Variants in SLC25A19 observed in about 807,000 individuals in gnomAD.
SLC25A19 encodes the protein solute carrier family 25 member 19, also known as mitochondrial thiamine pyrophosphate carrier.
In SLC25A19, 18 loss-of-function variants were observed where a neutral mutation model predicts 27.9. The observed-to-expected ratio is 0.64, with a 90% CI of 0.45 to 0.96. SLC25A19 has a LOEUF of 0.96. SLC25A19 is among the 40% of genes least tolerant of loss of function. The pLI, the probability that SLC25A19 is intolerant of heterozygous loss-of-function variation, is 0.00. For synonymous variants in SLC25A19, 169 were observed against 167.1 expected (o/e 1.01, Z -0.09); for missense variants, 371 against 418.3 (o/e 0.89, Z 0.99).
At chr17:75,276,456 C>G (rs1211345947) in intron 7 of SLC25A19, among the ~76,000 whole-genome samples, 1 of 152,036 alleles carries the variant, frequency 6.6e-6, no homozygotes, top group Non-Finnish European at 1.5e-5. Context: ...TAACATCCAC[C>G]TCTCACGTTC....
intron 7 of SLC25A19, 27 bp downstream of exon 7, chr17:75,277,326 C>T (rs1330516469): frequency 6.2e-7 from 1 of 1,610,846 alleles, no homozygotes; most frequent in African/African-American, 1.3e-5. Context: ...AGGGTCAGAG[C>T]TGTCTGCCTG....
chr17:75,282,203 T>C (rs1032568200), intron 5 of SLC25A19, among the ~76,000 whole-genome samples: 1 of 151,758 alleles, frequency 6.6e-6, no homozygotes, highest in African/African-American at 2.4e-5. Context: ...CAGTGAGCAG[T>C]GATCATGCCA....
intron 4 of SLC25A19, among the ~76,000 whole-genome samples, chr17:75,285,613 C>T (rs1806286454): frequency 6.6e-6 from 1 of 152,192 alleles, no homozygotes; most frequent in Non-Finnish European, 1.5e-5. Context: ...CGTGGCTCTG[C>T]CATTTTCTAG....
In SLC25A19 at chr17:75,277,489, C is replaced by A. The variant is rs1231232585; in HGVS notation, c.644-6G>T. On this transcript the variant is annotated splice_region_variant and splice_polypyrimidine_tract_variant and intron_variant, in intron 6 of 7. Coordinates refer to ENST00000416858, the MANE Select transcript of SLC25A19 (RefSeq NM_001126121.2). ...AAGCAGGTTTTGGAGGTTCTCTGAA[C>A]CAGAGAAGTGGGATTGGGAGAATGG... 1.9e-6 allele frequency: 3 copies of A among 1,613,670 alleles called. No homozygotes were observed. The highest frequency in any genetic ancestry group is 2.5e-6 in the Non-Finnish European group (3 of 1,179,852).
chr17:75,273,355 C>G lies in SLC25A19; in HGVS notation c.*96G>C, dbSNP rs143419896. On this transcript the variant is annotated 3_prime_UTR_variant, in exon 8 of 8. Coordinates refer to ENST00000416858, the MANE Select transcript of SLC25A19 (RefSeq NM_001126121.2). ...TGCTACCCCGCTTGGGGCAGCTGGC[C>G]TGCAGGGAAGGGCCAGACGGCACCT... 797 of 1,416,870 alleles carry G rather than the reference C, an allele frequency of 5.6e-4. 6 individuals are homozygous for G. The African/African-American group carries it at 0.01, about 18-fold the overall frequency. The allele number at this position is 1,416,870 out of a possible 1,614,324, so 87.8% of individuals were successfully genotyped here.
chr17:75,279,450 C>G (rs2077979788), intron 5 of SLC25A19, among the ~76,000 whole-genome samples: 1 of 150,716 alleles, frequency 6.6e-6, no homozygotes, highest in Admixed American at 6.6e-5. Context: ...TCTGATCATT[C>G]TAGAATCTAA....
At chr17:75,282,901 A>G (rs2078076526) in intron 5 of SLC25A19, among the ~76,000 whole-genome samples, 1 of 151,154 alleles carries the variant, frequency 6.6e-6, no homozygotes, top group Non-Finnish European at 1.5e-5. Flanking sequence ...AAAATCATAT[A>G]TTTAAAAAAA....
At position 75,275,927 on chromosome 17, in the gene SLC25A19, C is replaced by T. The variant is rs545097852; in HGVS notation, c.774+1426G>A. ...CGCAGGCTGCAGTGAGCCAAGATCA[C>T]GCCACTGCACTCCAGCCTGGGCAAA... is the stretch of plus-strand genomic sequence containing the variant. On this transcript the variant is annotated intron_variant, in intron 7 of 7. Transcript: ENST00000416858. Among the ~76,000 whole-genome samples the T allele has an allele frequency of 1.8e-3, 269 of 150,494 alleles. 1 individual carries two copies. Among genetic ancestry groups the T allele is most frequent in the Middle Eastern group, 7.4e-3 (2 of 270 alleles).
chr17:75,286,644 T>C lies in SLC25A19; in HGVS notation c.121A>G (p.Ile41Val), dbSNP rs374703602. 3 of 1,614,020 alleles carry C rather than the reference T, an allele frequency of 1.9e-6. No individual in the cohort carries two copies. The highest frequency in any genetic ancestry group is 2.5e-6 in the Non-Finnish European group (3 of 1,180,036). The change falls in exon 3 of 8, where the codon ATC becomes GTC. Residue 41 changes from isoleucine to valine, a missense_variant. Ile to Val is a conservative substitution (Grantham distance 29). Transcript: ENST00000416858. ...ALISPFDVIK[I>V]RFQLQHERLS... ...AAGGGGAAGAGTACCTGGAAACGGATCTTGATGACGTCGAAGGGACTGATC... is the reference window on the plus strand; with the variant it reads ...AAGGGGAAGAGTACCTGGAAACGGACCTTGATGACGTCGAAGGGACTGATC...
At chr17:75,282,485 G>A (rs1390854307) in intron 5 of SLC25A19, among the ~76,000 whole-genome samples, 1 of 152,128 alleles carries the variant, frequency 6.6e-6, no homozygotes, top group African/African-American at 2.4e-5. Context: ...GGAGGCAGAG[G>A]TTGCAGTGAG....
intron 7 of SLC25A19, among the ~76,000 whole-genome samples, chr17:75,276,828 C>A (rs1349035750): frequency 7.2e-6 from 1 of 139,816 alleles, no homozygotes; most frequent in African/African-American, 2.5e-5. Context: ...GTGCCCACCA[C>A]CACGCCCGGC....
Position 75,277,346 on chromosome 17 carries a change from G to A in SLC25A19, c.774+7C>T, listed in dbSNP as rs755707400. 35 of 1,612,698 alleles carry A rather than the reference G, an allele frequency of 2.2e-5. No individual in the cohort carries two copies. The highest frequency in any genetic ancestry group is 2.7e-5 in the African/African-American group (2 of 74,860). On this transcript the variant is annotated splice_region_variant and intron_variant, in intron 7 of 7. Transcript: ENST00000416858. ...CAGAGCTGTCTGCCTGGGAGTGAAC[G>A]GCTCACCTGGCCAAAGGCAGCTCTG...
Position 75,273,625 on chromosome 17 carries a change from C to T in SLC25A19, c.789G>A (p.Lys263=). Residue 263 remains lysine (K), a synonymous_variant, in exon 8 of 8, where the codon AAG becomes AAA. Coordinates refer to ENST00000416858, the MANE Select transcript of SLC25A19 (RefSeq NM_001126121.2). The part of the protein sequence containing the change: ...RAAFGQVRRY[K]GLMDCAKQVL... The stretch of plus-strand genomic sequence containing the variant: ...CCTGCTTGGCACAGTCCATGAGGCC[C>T]TTGTATCTCCGTACCTGGGGAGAGG... The T allele has an allele frequency of 6.2e-7, 1 of 1,612,716 alleles. No individual in the cohort carries two copies. The highest frequency in any genetic ancestry group is 8.5e-7 in the Non-Finnish European group (1 of 1,179,874).
intron 5 of SLC25A19, among the ~76,000 whole-genome samples, chr17:75,281,870 A>G (rs1598188730): frequency 6.6e-6 from 1 of 152,232 alleles, no homozygotes; most frequent in Non-Finnish European, 1.5e-5. Flanking sequence ...AGGCAGGGAC[A>G]TAGAGCACCC....
At chr17:75,283,179 T>C (rs961773183) in intron 5 of SLC25A19, among the ~76,000 whole-genome samples, 11 of 149,534 alleles carry the variant, frequency 7.4e-5, no homozygotes, top group African/African-American at 2.7e-4. Context: ...CGGGTGCCTG[T>C]AATCCCAGCT....
intron 7 of SLC25A19, among the ~76,000 whole-genome samples, chr17:75,275,154 A>G: frequency 6.6e-6 from 1 of 151,312 alleles, no homozygotes; most frequent in East Asian, 1.9e-4. Context: ...ATGCCCAGCT[A>G]ATTTTTTAAT....
At chr17:75,278,945 G>A (rs991810886) in intron 5 of SLC25A19, among the ~76,000 whole-genome samples, 4 of 151,016 alleles carry the variant, frequency 2.6e-5, no homozygotes, top group African/African-American at 9.7e-5. Flanking sequence ...ATTGTACCAC[G>A]GCACTCCAAC....
Position 75,273,401 on chromosome 17 carries a change from C to A in SLC25A19, c.*50G>T. 6.3e-7 allele frequency: 1 copy of A among 1,583,398 alleles called. No homozygotes were observed. The highest frequency in any genetic ancestry group is 1.1e-5 in the South Asian group (1 of 89,214). ...CACCTCTCAGTGGAGACTGAATCTT[C>A]CTTCCTTCAGGAGGCTGCCTCCAGG... On this transcript the variant is annotated 3_prime_UTR_variant, in exon 8 of 8. Transcript: ENST00000416858.
In SLC25A19 at chr17:75,286,229, C is replaced by A. The variant is rs2078177168; in HGVS notation, c.288+75G>T. On this transcript the variant is annotated intron_variant, in intron 4 of 7. Coordinates refer to ENST00000416858, the MANE Select transcript of SLC25A19 (RefSeq NM_001126121.2). ...CGTCCTGCCCTGCGCGGCATTCCTG[C>A]TTGCCTCACCCTCCCTCTGCTCCTC... The A allele has an allele frequency of 4.4e-6, 7 of 1,577,412 alleles. No individual in the cohort carries two copies. In the African/African-American group the frequency reaches 5.4e-5, roughly 12 times the overall value.
Sources: allele counts gnomAD v4.1 joint callset (sites outside exome capture counted in the v4.1 genomes callset), GRCh38; gene constraint gnomAD v4.1.1; transcripts MANE v1.5; gene names NCBI Gene and HGNC (gene_info 2026-07-23, HGNC 2026-07-21).